TP53BP1: variants seen among roughly 807,000 people sequenced by gnomAD.
TP53BP1 encodes the protein tumor protein p53 binding protein 1.
In TP53BP1, 61 loss-of-function variants were observed where a neutral mutation model predicts 200.8. That is an observed-to-expected ratio of 0.30 (90% CI 0.25 to 0.38). The LOEUF (loss-of-function observed/expected upper bound fraction) is 0.38. Ranked by LOEUF, TP53BP1 falls within the 10% of genes least tolerant of loss-of-function variation. The pLI, the probability that TP53BP1 is intolerant of heterozygous loss-of-function variation, is 1.00. For synonymous variants in TP53BP1, 822 were observed against 844.3 expected, an observed-to-expected ratio of 0.97 and a Z score of 0.46; for missense variants, 2,144 against 2,371.9, an observed-to-expected ratio of 0.90 and a Z score of 2.00.
chr15:43,470,003 T>A lies in TP53BP1; in HGVS notation c.1244A>T (p.Gln415Leu), dbSNP rs894673324. The stretch of plus-strand genomic sequence containing the variant: ...TTCTAACTCCACTGGTTCACCACTT[T>A]GAAGTTTCTTCTGAAAAGGCTCTCC... ...EGGEPFQKKL[Q>L]SGEPVELENP... The change falls in exon 11 of 28, where the codon CAA (glutamine) becomes CTA (leucine). Residue 415 changes from glutamine to leucine, a missense_variant. Gln to Leu is a moderately radical substitution (Grantham distance 113). This residue lies in a region of TP53BP1 where 1,700 missense variants were observed against 1,710.3 expected (regional missense o/e 0.99). Coordinates refer to ENST00000382044, the MANE Select transcript of TP53BP1 (RefSeq NM_001141980.3). The A allele has an allele frequency of 5.0e-6, 8 of 1,613,848 alleles. No individual in the cohort carries two copies. Among genetic ancestry groups the A allele is most frequent in the Non-Finnish European group, 6.8e-6 (8 of 1,180,018 alleles).
chr15:43,477,827 C>T, intron 7 of TP53BP1, 68 bp from the exon 8 acceptor site: 2 of 1,273,562 alleles, frequency 1.6e-6, no homozygotes, highest in Non-Finnish European at 2.1e-6. Flanking sequence ...AAAGCTTTTC[C>T]TGTTTTGTGT....
chr15:43,467,630 G>A (rs2140084864), intron 11 of TP53BP1, among the ~76,000 whole-genome samples: 1 of 152,088 alleles, frequency 6.6e-6, no homozygotes, highest in South Asian at 2.1e-4. Context: ...TTGTGGCCAG[G>A]CATCATCTCC....
At chr15:43,437,110 TACTGCACC>T (rs1213557353) in intron 16 of TP53BP1, among the ~76,000 whole-genome samples, 2 of 152,118 alleles carry the variant, frequency 1.3e-5, no homozygotes, top group Non-Finnish European at 2.9e-5. Flanking sequence ...CGTGAGCTAT[TACTGCACC>T]ACTGCACCTC....
At chr15:43,464,791 C>T (rs937656198) in intron 11 of TP53BP1, among the ~76,000 whole-genome samples, 1 of 152,046 alleles carries the variant, frequency 6.6e-6, no homozygotes, top group African/African-American at 2.4e-5. Context: ...GCCTGTAATC[C>T]CAGCTACTCA....
chr15:43,413,014 G>A (rs1595521633), intron 24 of TP53BP1, 105 bp downstream of exon 24: 21 of 1,044,096 alleles, frequency 2.0e-5, no homozygotes, highest in Non-Finnish European at 8.5e-6. Flanking sequence ...GTTGCTACTT[G>A]CCTTGCCTCC....
chr15:43,476,879 G>C (rs565364617), intron 8 of TP53BP1, among the ~76,000 whole-genome samples: 1 of 152,302 alleles, frequency 6.6e-6, no homozygotes, highest in South Asian at 2.1e-4. Flanking sequence ...CTTTCCGCTA[G>C]ATTTTAAATT....
chr15:43,464,278 G>C (rs2046509733), intron 11 of TP53BP1, among the ~76,000 whole-genome samples: 1 of 152,078 alleles, frequency 6.6e-6, no homozygotes, highest in African/African-American at 2.4e-5. Flanking sequence ...GAAGAAAACT[G>C]TTATTAATAC....
chr15:43,453,349 T>C (rs994845288), intron 12 of TP53BP1, among the ~76,000 whole-genome samples: 3 of 152,142 alleles, frequency 2.0e-5, no homozygotes, highest in African/African-American at 7.2e-5. Flanking sequence ...ATTCACATTG[T>C]TCTTCACTAC....
chr15:43,489,644 A>G (rs2079093753), intron 4 of TP53BP1, among the ~76,000 whole-genome samples: 1 of 152,256 alleles, frequency 6.6e-6, no homozygotes, highest in African/African-American at 2.4e-5. Context: ...ACTGCTACTC[A>G]TAACTCCAGC....
At chr15:43,423,936 G>A (rs1263996375) in intron 18 of TP53BP1, among the ~76,000 whole-genome samples, 1 of 151,812 alleles carries the variant, frequency 6.6e-6, no homozygotes, top group Non-Finnish European at 1.5e-5. Context: ...ACTCTCACAT[G>A]CTTTCCCTGG....
At chr15:43,502,279 C>T (rs928213672) in intron 1 of TP53BP1, among the ~76,000 whole-genome samples, 2 of 152,114 alleles carry the variant, frequency 1.3e-5, no homozygotes, top group African/African-American at 4.8e-5. Flanking sequence ...GCTATGATCG[C>T]ACCACTTGCA....
intron 12 of TP53BP1, among the ~76,000 whole-genome samples, chr15:43,452,990 C>G (rs1014857102): frequency 6.6e-6 from 1 of 151,810 alleles, no homozygotes; most frequent in African/African-American, 2.4e-5. Flanking sequence ...GTCAGGAGAT[C>G]GAGACCATCC....
At chr15:43,476,054 C>G (rs1350976435) in intron 8 of TP53BP1, among the ~76,000 whole-genome samples, 2 of 152,112 alleles carry the variant, frequency 1.3e-5, no homozygotes, top group Non-Finnish European at 2.9e-5. Context: ...CATCTGAGGT[C>G]AGGAGTTCAA....
Position 43,407,211 on chromosome 15 carries a change from C to T in TP53BP1, c.*172G>A. ...CTCAAAAAAACAGATGAAGAAATCCCAGTTACTACAACCAAAGAGATTCAA... is the reference window on the plus strand; with the variant it reads ...CTCAAAAAAACAGATGAAGAAATCCTAGTTACTACAACCAAAGAGATTCAA... On this transcript the variant is annotated 3_prime_UTR_variant, in exon 28 of 28. Coordinates refer to ENST00000382044, the MANE Select transcript of TP53BP1 (RefSeq NM_001141980.3). 3.3e-6 allele frequency: 2 copies of T among 604,580 alleles called. No homozygotes were observed. The highest frequency in any genetic ancestry group is 5.7e-6 in the Non-Finnish European group (2 of 349,910). 37.5% of individuals were successfully genotyped at this position (604,580 alleles called of 1,614,324 possible).
At position 43,493,066 on chromosome 15, in the gene TP53BP1, T is replaced by C. The variant is rs1202127472; in HGVS notation, c.-23A>G. ...CATCCCGGCGGGAGGTCCCTCGCGC[T>C]CGAGCTAGAGGTCTCTGCACGCTCC... On this transcript the variant is annotated 5_prime_UTR_variant, in exon 1 of 28. Transcript: ENST00000382044. 6.2e-7 allele frequency: 1 copy of C among 1,612,638 alleles called. No homozygotes were observed. Among genetic ancestry groups the C allele is most frequent in the Admixed American group, 1.7e-5 (1 of 59,936 alleles).
chr15:43,450,916 G>C (rs539667802), intron 12 of TP53BP1, among the ~76,000 whole-genome samples: 1 of 152,118 alleles, frequency 6.6e-6, no homozygotes, highest in Admixed American at 6.5e-5. Context: ...GCCCTGTTGC[G>C]CAGGCTAAAG....
At chr15:43,439,321 T>A (rs1233745774) in intron 15 of TP53BP1, among the ~76,000 whole-genome samples, 2 of 152,146 alleles carry the variant, frequency 1.3e-5, no homozygotes, top group South Asian at 4.1e-4. Context: ...GTGGATCACT[T>A]GAGCTTCAGG....
At chr15:43,445,216 G>C (rs1337194389) in intron 14 of TP53BP1, among the ~76,000 whole-genome samples, 2 of 151,950 alleles carry the variant, frequency 1.3e-5, no homozygotes, top group African/African-American at 4.8e-5. Flanking sequence ...TTTCAGTATA[G>C]CTCCCACCCC....
At chr15:43,503,151 G>A (rs180683029) in intron 1 of TP53BP1, among the ~76,000 whole-genome samples, 14 of 152,258 alleles carry the variant, frequency 9.2e-5, no homozygotes, top group African/African-American at 1.2e-4. Context: ...AAATGGGTGC[G>A]TGTGTGTGTG....
Sources: allele counts gnomAD v4.1 joint callset (sites outside exome capture counted in the v4.1 genomes callset), GRCh38; gene constraint gnomAD v4.1.1; regional missense constraint gnomAD v4.1.1; transcripts MANE v1.5; gene names NCBI Gene and HGNC (gene_info 2026-07-23, HGNC 2026-07-21).